The following C12orf42 variants were observed in gnomAD, a reference collection of about 807,000 sequenced individuals.
The protein encoded by C12orf42 is chromosome 12 open reading frame 42, also known as uncharacterized protein C12orf42.
Under a neutral mutation model 21.6 loss-of-function variants are expected in C12orf42, and 25 were observed. The ratio of observed to expected loss-of-function variants is 1.16; its 90% CI spans 0.84 to 1.62. The LOEUF (loss-of-function observed/expected upper bound fraction) is 1.62, where lower values mean the gene tolerates loss of function less well. Ranked by LOEUF, C12orf42 falls within the 40% of genes most tolerant of loss-of-function variation. C12orf42 has a pLI of 0.00. For missense variants in C12orf42, 483 were observed against 459.3 expected, an observed-to-expected ratio of 1.05 and a Z score of -0.47; for synonymous variants, 174 against 175.0, an observed-to-expected ratio of 0.99 and a Z score of 0.05.
At chr12:103,291,491 T>G (rs1357576537) in intron 4 of C12orf42, among the ~76,000 whole-genome samples, 2 of 152,106 alleles carry the variant, frequency 1.3e-5, no homozygotes, top group East Asian at 1.9e-4. Flanking sequence ...AAATGACTGC[T>G]CCACAGACAG....
intron 4 of C12orf42, among the ~76,000 whole-genome samples, chr12:103,312,736 GCA>G (rs2039088574): frequency 1.3e-5 from 2 of 152,178 alleles, no homozygotes; most frequent in Admixed American, 1.3e-4. Context: ...TTATTTTGCA[GCA>G]CAGGACTTCC....
chr12:103,267,065 G>A (rs183129235), downstream of C12orf42, among the ~76,000 whole-genome samples: 13 of 152,238 alleles, frequency 8.5e-5, no homozygotes, highest in East Asian at 1.2e-3. Flanking sequence ...TATTTTCACC[G>A]TCTCTTGCTT....
chr12:103,508,881 T>G, the C12orf42 span, among the ~76,000 whole-genome samples: 2 of 152,214 alleles, frequency 1.3e-5, no homozygotes, highest in African/African-American at 4.8e-5. Flanking sequence ...ATGTAAGAAC[T>G]AATAATGATA....
At chr12:103,248,189 G>T (rs1391631366) in intron 10 of C12orf42, among the ~76,000 whole-genome samples, 1 of 151,942 alleles carries the variant, frequency 6.6e-6, no homozygotes, top group Admixed American at 6.6e-5. Flanking sequence ...GGATTTATGA[G>T]AAGAAAACTT....
chr12:103,431,349 T>A (rs947612735), intron 2 of C12orf42: 2 of 152,116 alleles, frequency 1.3e-5, no homozygotes, highest in African/African-American at 2.4e-5. Flanking sequence ...GACTCTAGAG[T>A]CTATATTATT....
intron 4 of C12orf42, among the ~76,000 whole-genome samples, chr12:103,325,186 G>A (rs1475164517): frequency 1.3e-5 from 2 of 152,206 alleles, no homozygotes; most frequent in African/African-American, 4.8e-5. Flanking sequence ...TAGAAGAACT[G>A]ATTACATGTT....
In C12orf42 at chr12:103,468,813, C is replaced by A. The variant is rs896310199; in HGVS notation, c.78+9536G>T. Among the ~76,000 whole-genome samples, 5 of 152,234 alleles carry A rather than the reference C, an allele frequency of 3.3e-5. No individual in the cohort carries two copies. In the South Asian group the frequency reaches 6.2e-4, roughly 19 times the overall value. On this transcript the variant is annotated intron_variant, in intron 2 of 5. Coordinates refer to ENST00000548883, the MANE Select transcript of C12orf42 (RefSeq NM_198521.5). Reference sequence around the variant, plus strand: ...CTTTTTGTAGAACTAACAAGTGAATCTTACTGAGTTGGGACCAAAGAAACC... The same window carrying A: ...CTTTTTGTAGAACTAACAAGTGAATATTACTGAGTTGGGACCAAAGAAACC...
At chr12:103,479,908 T>C (rs1954343210) in intron 1 of C12orf42, among the ~76,000 whole-genome samples, 1 of 152,044 alleles carries the variant, frequency 6.6e-6, no homozygotes, top group Admixed American at 6.5e-5. Context: ...CTTTTTCCAC[T>C]TTATAATGTC....
the C12orf42 span, among the ~76,000 whole-genome samples, chr12:103,125,902 T>C: frequency 2.0e-5 from 3 of 152,148 alleles, no homozygotes; most frequent in Admixed American, 6.5e-5. Context: ...GAAGGAGACA[T>C]TGTCAATTCC....
intron 2 of C12orf42, among the ~76,000 whole-genome samples, chr12:103,442,386 G>A (rs554811435): frequency 2.0e-5 from 3 of 152,270 alleles, no homozygotes; most frequent in South Asian, 4.1e-4. Flanking sequence ...GCACTGGACA[G>A]CACAGATGTG....
intron 1 of C12orf42, among the ~76,000 whole-genome samples, chr12:103,479,804 G>A (rs933494829): frequency 2.6e-5 from 4 of 151,922 alleles, no homozygotes; most frequent in Non-Finnish European, 4.4e-5. Context: ...CAGTCATAAC[G>A]TATTTTATTT....
chr12:103,512,001 G>C, the C12orf42 span, among the ~76,000 whole-genome samples: 4 of 152,228 alleles, frequency 2.6e-5, no homozygotes, highest in African/African-American at 9.6e-5. Context: ...CTAGAAGGCA[G>C]TTGGGGAAAT....
At chr12:103,163,532 T>C in the C12orf42 span, among the ~76,000 whole-genome samples, 1 of 152,218 alleles carries the variant, frequency 6.6e-6, no homozygotes, top group Non-Finnish European at 1.5e-5. Flanking sequence ...AAATCTAATC[T>C]AGACATTGTG....
At chr12:103,390,734 G>T (rs776509251) in intron 3 of C12orf42, among the ~76,000 whole-genome samples, 3 of 152,262 alleles carry the variant, frequency 2.0e-5, no homozygotes, top group Non-Finnish European at 4.4e-5. Context: ...AAGTCCAAAG[G>T]CTTGAGAAAC....
chr12:103,398,281 A>G (rs1361884306), intron 3 of C12orf42, among the ~76,000 whole-genome samples: 1 of 152,162 alleles, frequency 6.6e-6, no homozygotes, highest in Middle Eastern at 3.2e-3. Context: ...AAACTAAAAC[A>G]TTTATTTATA....
chr12:103,183,910 A>G, the C12orf42 span, among the ~76,000 whole-genome samples: 95 of 152,118 alleles, frequency 6.2e-4, no homozygotes, highest in Middle Eastern at 0.01. Context: ...GTTTCTCTCT[A>G]TTATGGTTAT....
At chr12:103,550,726 C>T in the C12orf42 span, 658 of 152,094 alleles carry the variant, frequency 4.3e-3, 8 homozygotes, top group Middle Eastern at 0.01. Flanking sequence ...AAAAAGTTAG[C>T]CTTTTGTACG....
the C12orf42 span, among the ~76,000 whole-genome samples, chr12:103,082,155 T>C: frequency 2.6e-5 from 4 of 152,242 alleles, no homozygotes; most frequent in African/African-American, 4.8e-5. Context: ...AATCATTTTA[T>C]TTTCTGGTGA....
the C12orf42 span, among the ~76,000 whole-genome samples, chr12:103,173,252 T>C: frequency 6.6e-6 from 1 of 152,158 alleles, no homozygotes; most frequent in Non-Finnish European, 1.5e-5. Flanking sequence ...TTAATGTTTT[T>C]TATTGTATAA....
Sources: gnomAD v4.1 joint callset for allele counts (sites outside exome capture counted in the v4.1 genomes callset) on GRCh38, gnomAD v4.1.1 for gene constraint, MANE v1.5 for transcripts, NCBI Gene and HGNC (gene_info 2026-07-23, HGNC 2026-07-21) for gene names.